The following RANBP2 variants were observed in gnomAD, a reference collection of about 807,000 sequenced individuals.
RANBP2 encodes RAN binding protein 2.
Under a neutral mutation model 303.6 loss-of-function variants are expected in RANBP2, and 57 were observed. The observed-to-expected ratio is 0.19, with a 90% CI of 0.15 to 0.23. The LOEUF is 0.23. RANBP2 is among the 10% of genes least tolerant of loss of function. RANBP2 has a pLI of 1.00. For missense variants in RANBP2, 3,138 were observed against 3,780.8 expected (o/e 0.83, Z 4.46); for synonymous variants, 1,167 against 1,301.5 (o/e 0.90, Z 2.23).
the RANBP2 span, among the ~76,000 whole-genome samples, chr2:109,629,290 A>C: frequency 7.3e-6 from 1 of 136,138 alleles, no homozygotes; most frequent in Non-Finnish European, 1.5e-5. Context: ...TACAAATGTC[A>C]CCTGGCCTAA....
the RANBP2 span, among the ~76,000 whole-genome samples, chr2:109,550,498 G>A: frequency 6.6e-6 from 1 of 151,900 alleles, no homozygotes; most frequent in Non-Finnish European, 1.5e-5. Flanking sequence ...ATTTTTAGTA[G>A]AGATGGGGTT....
At chr2:109,596,444 C>T in the RANBP2 span, among the ~76,000 whole-genome samples, 23 of 151,936 alleles carry the variant, frequency 1.5e-4, no homozygotes, top group African/African-American at 1.2e-4. Flanking sequence ...AGTGAAACCC[C>T]GTCTCTACTA....
chr2:108,890,661 A>C, the RANBP2 span, among the ~76,000 whole-genome samples: 1 of 152,212 alleles, frequency 6.6e-6, no homozygotes, highest in Non-Finnish European at 1.5e-5. Context: ...CGCTTGCAGA[A>C]TGTATCTTCC....
the RANBP2 span, chr2:108,798,659 T>G: frequency 8.6e-7 from 1 of 1,167,836 alleles, no homozygotes; most frequent in Non-Finnish European, 1.2e-6. Context: ...TTACTAACAT[T>G]TTGTCACATT....
the RANBP2 span, among the ~76,000 whole-genome samples, chr2:109,609,307 GAT>G: frequency 6.6e-6 from 1 of 151,502 alleles, no homozygotes; most frequent in Admixed American, 6.6e-5. Context: ...TGTCCTCAAA[GAT>G]ATATGAGTAT....
the RANBP2 span, among the ~76,000 whole-genome samples, chr2:109,204,970 G>T: frequency 2.0e-5 from 3 of 152,202 alleles, no homozygotes; most frequent in Non-Finnish European, 1.5e-5. Context: ...TGCTCCAGGA[G>T]GCTGAGGCAG....
the RANBP2 span, among the ~76,000 whole-genome samples, chr2:109,013,495 G>T: frequency 6.6e-6 from 1 of 152,172 alleles, no homozygotes; most frequent in Non-Finnish European, 1.5e-5. Context: ...CATTAGAAAA[G>T]CAGAGGGTGT....
chr2:109,632,825 A>AAAAAC, the RANBP2 span, among the ~76,000 whole-genome samples: 2 of 151,668 alleles, frequency 1.3e-5, no homozygotes, highest in African/African-American at 2.4e-5. Flanking sequence ...TCTCAAAAAA[A>AAAAAC]AAAACAAAAC....
chr2:109,250,988 A>T, the RANBP2 span, among the ~76,000 whole-genome samples: 3 of 151,896 alleles, frequency 2.0e-5, no homozygotes, highest in East Asian at 5.8e-4. Context: ...TTTTTTTCAA[A>T]TTATTAATAT....
At chr2:109,630,564 C>T in the RANBP2 span, among the ~76,000 whole-genome samples, 1 of 152,328 alleles carries the variant, frequency 6.6e-6, no homozygotes, top group South Asian at 2.1e-4. Context: ...CCTGGCCACC[C>T]TGGTGTCTGC....
the RANBP2 span, among the ~76,000 whole-genome samples, chr2:109,413,053 A>G: frequency 6.6e-6 from 1 of 152,218 alleles, no homozygotes; most frequent in South Asian, 2.1e-4. Flanking sequence ...TTCGTATCAT[A>G]AACAGTGCTG....
chr2:108,953,364 C>T, the RANBP2 span, among the ~76,000 whole-genome samples: 1 of 152,212 alleles, frequency 6.6e-6, no homozygotes, highest in Non-Finnish European at 1.5e-5. Flanking sequence ...GCAGTACTCT[C>T]TTCTCTGGTA....
the RANBP2 span, among the ~76,000 whole-genome samples, chr2:109,589,763 AAAT>A: frequency 2.6e-5 from 4 of 152,090 alleles, no homozygotes; most frequent in African/African-American, 9.7e-5. Flanking sequence ...GAGGTATCCA[AAAT>A]AATGAAAACA....
the RANBP2 span, chr2:109,614,058 G>A: frequency 1.6e-6 from 2 of 1,212,250 alleles, no homozygotes; most frequent in Admixed American, 8.7e-5. Context: ...CGCCAAGCGA[G>A]CCCCTCACAG....
the RANBP2 span, among the ~76,000 whole-genome samples, chr2:109,729,752 G>A: frequency 6.6e-6 from 1 of 152,180 alleles, no homozygotes; most frequent in Non-Finnish European, 1.5e-5. Context: ...AGGAAGGAGG[G>A]AAGTGCAGTG....
the RANBP2 span, among the ~76,000 whole-genome samples, chr2:109,599,473 A>AG: frequency 6.6e-6 from 1 of 151,856 alleles, no homozygotes; most frequent in Non-Finnish European, 1.5e-5. Context: ...AAAAAAAAAA[A>AG]AAAAGAACTC....
the RANBP2 span, among the ~76,000 whole-genome samples, chr2:109,108,801 T>C: frequency 6.6e-6 from 1 of 152,124 alleles, no homozygotes; most frequent in Non-Finnish European, 1.5e-5. Flanking sequence ...CTCCTAGGAA[T>C]TCCTCTCTCA....
the RANBP2 span, among the ~76,000 whole-genome samples, chr2:108,972,349 A>G: frequency 1.6e-4 from 25 of 152,356 alleles, 1 homozygote; most frequent in East Asian, 1.9e-4. Flanking sequence ...ATGATGACCA[A>G]ATCAAAACAG....
At chr2:109,378,657 C>A in the RANBP2 span, among the ~76,000 whole-genome samples, 1 of 152,182 alleles carries the variant, frequency 6.6e-6, no homozygotes, top group Admixed American at 6.5e-5. Context: ...TTTTGAGGCT[C>A]GCTTTGAGGC....
Sources: gnomAD v4.1 joint callset for allele counts (sites outside exome capture counted in the v4.1 genomes callset) on GRCh38, gnomAD v4.1.1 for gene constraint, MANE v1.5 for transcripts, NCBI Gene and HGNC (gene_info 2026-07-23, HGNC 2026-07-21) for gene names.